Variants in GALNTL6 observed in about 807,000 individuals in gnomAD.
GALNTL6 encodes polypeptide N-acetylgalactosaminyltransferase-like 6.
GALNTL6 carries 46 observed loss-of-function variants against 73.7 expected under a neutral mutation model. The observed-to-expected ratio is 0.62, with a 90% CI of 0.49 to 0.80. The LOEUF (loss-of-function observed/expected upper bound fraction) is 0.80. GALNTL6 is among the 30% of genes least tolerant of loss of function. GALNTL6 has a pLI of 0.00. For synonymous variants in GALNTL6, 259 were observed against 263.7 expected (o/e 0.98, Z 0.17); for missense variants, 604 against 755.0 (o/e 0.80, Z 2.34).
chr4:171,834,698 A>C (rs540361), intron 2 of GALNTL6, among the ~76,000 whole-genome samples: 149,974 of 152,040 alleles, frequency 0.99, 74,002 homozygotes, highest in Middle Eastern at 1. Context: ...TGGATATACC[A>C]TCTAAAGATG....
At chr4:172,770,198 G>A (rs946794582) in intron 5 of GALNTL6, among the ~76,000 whole-genome samples, 8 of 151,722 alleles carry the variant, frequency 5.3e-5, no homozygotes, top group African/African-American at 9.7e-5. Context: ...CCTGGGAGGC[G>A]GAGGTTGCAT....
intron 8 of GALNTL6, among the ~76,000 whole-genome samples, chr4:172,926,310 AT>A (rs1355969143): frequency 1.3e-5 from 2 of 152,212 alleles, no homozygotes; most frequent in African/African-American, 4.8e-5. Flanking sequence ...CACATTGGAG[AT>A]TAAAATTTCA....
At chr4:172,015,962 T>G (rs1251958707) in intron 2 of GALNTL6, among the ~76,000 whole-genome samples, 2 of 127,110 alleles carry the variant, frequency 1.6e-5, no homozygotes, top group South Asian at 2.8e-4. Flanking sequence ...TTTTTGTAGG[T>G]TACCTGATGC....
At chr4:172,171,256 A>AT (rs1168386510) in intron 2 of GALNTL6, among the ~76,000 whole-genome samples, 6 of 151,614 alleles carry the variant, frequency 4.0e-5, no homozygotes, top group East Asian at 1.9e-4. Flanking sequence ...CACATGAGTG[A>AT]TTTTTTTTTC....
intron 3 of GALNTL6, among the ~76,000 whole-genome samples, chr4:172,293,390 T>C (rs1307643248): frequency 3.3e-5 from 5 of 152,148 alleles, no homozygotes; most frequent in African/African-American, 9.6e-5. Context: ...AAGATGGCAA[T>C]TGTTATAGAA....
chr4:172,355,552 A>T (rs980009218), intron 5 of GALNTL6, among the ~76,000 whole-genome samples: 1 of 152,096 alleles, frequency 6.6e-6, no homozygotes, highest in Admixed American at 6.6e-5. Context: ...AAAAAATCTT[A>T]TGCTTGCTTT....
chr4:171,871,153 G>A (rs1736123648), intron 2 of GALNTL6, among the ~76,000 whole-genome samples: 1 of 151,902 alleles, frequency 6.6e-6, no homozygotes, highest in Admixed American at 6.6e-5. Context: ...CTTATTTGTG[G>A]GGAGTATGTA....
intron 2 of GALNTL6, among the ~76,000 whole-genome samples, chr4:171,888,698 C>T (rs973023753): frequency 6.6e-6 from 1 of 152,076 alleles, no homozygotes; most frequent in Non-Finnish European, 1.5e-5. Flanking sequence ...TAAAGAAATC[C>T]AGCCTTTCCT....
In GALNTL6 at chr4:171,857,105, T is replaced by C. The variant is rs190370652; in HGVS notation, c.138+42387T>C. ...ATAAGTAGAGGTACATTGCATATTATAAATCTCCTGGTTGAATGTTAGTGT... is the reference window on the plus strand; with the variant it reads ...ATAAGTAGAGGTACATTGCATATTACAAATCTCCTGGTTGAATGTTAGTGT... On this transcript the variant is annotated intron_variant, in intron 2 of 12. Coordinates refer to ENST00000506823, the MANE Select transcript of GALNTL6 (RefSeq NM_001034845.3). 9.2e-5 allele frequency among the ~76,000 whole-genome samples: 14 copies of C among 152,288 alleles called. No individual in the cohort carries two copies. The East Asian group carries it at 2.3e-3, about 25-fold the overall frequency.
chr4:171,872,068 T>C (rs1305560444), intron 2 of GALNTL6, among the ~76,000 whole-genome samples: 1 of 152,212 alleles, frequency 6.6e-6, no homozygotes, highest in East Asian at 1.9e-4. Context: ...TAGATGCTTT[T>C]TTTTTTGCAA....
At chr4:172,051,643 T>C (rs1031200775) in intron 2 of GALNTL6, among the ~76,000 whole-genome samples, 2 of 152,154 alleles carry the variant, frequency 1.3e-5, no homozygotes, top group African/African-American at 4.8e-5. Context: ...TCTTCTCTTC[T>C]GTTCATCTCC....
At chr4:172,149,626 C>T (rs1734020603) in intron 2 of GALNTL6, among the ~76,000 whole-genome samples, 1 of 152,122 alleles carries the variant, frequency 6.6e-6, no homozygotes, top group Non-Finnish European at 1.5e-5. Flanking sequence ...GCCCAAGTCA[C>T]CGGGGGATGC....
At chr4:172,254,984 C>A (rs1467940415) in intron 3 of GALNTL6, among the ~76,000 whole-genome samples, 1 of 151,630 alleles carries the variant, frequency 6.6e-6, no homozygotes, top group Non-Finnish European at 1.5e-5. Context: ...AAATGGATGG[C>A]AGAAATTCAA....
At position 172,101,799 on chromosome 4, in the gene GALNTL6, A is replaced by G. The variant is rs527523036; in HGVS notation, c.139-127857A>G. 2.6e-5 allele frequency among the ~76,000 whole-genome samples: 4 copies of G among 152,270 alleles called. No individual in the cohort carries two copies. In the South Asian group the frequency reaches 6.2e-4, roughly 24 times the overall value. The stretch of plus-strand genomic sequence containing the variant: ...ATTATATATTGGCTGATGATTAAAC[A>G]TCAGTAATTTACTTCATTATTTGTT... On this transcript the variant is annotated intron_variant, in intron 2 of 12. Transcript: ENST00000506823.
At chr4:172,735,684 T>C (rs906761575) in intron 5 of GALNTL6, among the ~76,000 whole-genome samples, 6 of 152,186 alleles carry the variant, frequency 3.9e-5, no homozygotes, top group African/African-American at 1.4e-4. Context: ...AAATCTCATC[T>C]TGAATTGTAG....
intron 2 of GALNTL6, among the ~76,000 whole-genome samples, chr4:171,895,554 A>G (rs570340575): frequency 6.3e-4 from 96 of 152,350 alleles, no homozygotes; most frequent in African/African-American, 2.1e-3. Context: ...CAAGACTAAG[A>G]CAAGACAAAA....
chr4:172,112,425 C>T (rs898631313), intron 2 of GALNTL6, among the ~76,000 whole-genome samples: 3 of 151,974 alleles, frequency 2.0e-5, no homozygotes, highest in African/African-American at 7.2e-5. Flanking sequence ...AGTTCAGTTG[C>T]TAAATCCTAT....
chr4:172,688,170 A>G (rs1733045773), intron 5 of GALNTL6, among the ~76,000 whole-genome samples: 1 of 151,674 alleles, frequency 6.6e-6, no homozygotes, highest in Non-Finnish European at 1.5e-5. Context: ...AATAATGCAC[A>G]TGGCAAACTG....
chr4:172,336,275 G>GTTTTTTTTTTTTT (rs200566896), intron 4 of GALNTL6, among the ~76,000 whole-genome samples: 1 of 126,038 alleles, frequency 7.9e-6, no homozygotes, highest in African/African-American at 3.0e-5. Flanking sequence ...GTTTTGTTTT[G>GTTTTTTTTTTTTT]TTTTTTTTTT....
Sources: allele counts gnomAD v4.1 joint callset (sites outside exome capture counted in the v4.1 genomes callset), GRCh38; gene constraint gnomAD v4.1.1; transcripts MANE v1.5; gene names NCBI Gene and HGNC (gene_info 2026-07-23, HGNC 2026-07-21).